Variants in AFG2A observed in about 807,000 individuals in gnomAD.
The protein encoded by AFG2A is AAA ATPase AFG2A, also known as ATPase family gene 2 protein homolog A.
the AFG2A span, among the ~76,000 whole-genome samples, chr4:123,023,530 CT>C: frequency 5.9e-5 from 9 of 152,300 alleles, no homozygotes; most frequent in East Asian, 1.7e-3. Flanking sequence ...CCTTCTAACT[CT>C]TTCTTTGCCA....
At chr4:123,225,652 C>T in the AFG2A span, among the ~76,000 whole-genome samples, 2 of 152,148 alleles carry the variant, frequency 1.3e-5, no homozygotes, top group East Asian at 3.9e-4. Context: ...CATGATGCCT[C>T]CAGCTTTGTT....
chr4:123,005,197 C>T, the AFG2A span, among the ~76,000 whole-genome samples: 1 of 152,088 alleles, frequency 6.6e-6, no homozygotes, highest in Non-Finnish European at 1.5e-5. Flanking sequence ...GTTGGCCAGG[C>T]TGGAGTGCAA....
chr4:123,228,178 G>T, the AFG2A span, among the ~76,000 whole-genome samples: 1 of 152,084 alleles, frequency 6.6e-6, no homozygotes, highest in African/African-American at 2.4e-5. Flanking sequence ...TATCCAGTTT[G>T]CCAGTCCGTG....
the AFG2A span, among the ~76,000 whole-genome samples, chr4:122,954,162 C>T: frequency 6.6e-6 from 1 of 152,180 alleles, no homozygotes; most frequent in Non-Finnish European, 1.5e-5. Context: ...TGGCCTGATC[C>T]TCATTGTTGG....
At chr4:123,042,106 T>C in the AFG2A span, among the ~76,000 whole-genome samples, 1 of 152,306 alleles carries the variant, frequency 6.6e-6, no homozygotes, top group East Asian at 1.9e-4. Flanking sequence ...ATTACCATAT[T>C]ATCATATTTC....
chr4:123,086,587 G>A, the AFG2A span, among the ~76,000 whole-genome samples: 1 of 152,102 alleles, frequency 6.6e-6, no homozygotes. Context: ...CTCAGTGAAT[G>A]TTTCTTCAAA....
At chr4:123,041,648 G>C in the AFG2A span, among the ~76,000 whole-genome samples, 1 of 151,808 alleles carries the variant, frequency 6.6e-6, no homozygotes, top group Non-Finnish European at 1.5e-5. Flanking sequence ...TCTCCTGCCT[G>C]AGTCTCCCAA....
At chr4:123,149,798 CTTTTTTTTTTTTTTTTT>C in the AFG2A span, among the ~76,000 whole-genome samples, 2 of 121,604 alleles carry the variant, frequency 1.6e-5, no homozygotes, top group Non-Finnish European at 1.6e-5. Context: ...TAGGAAATAG[CTTTTTTTTTTTTTTTTT>C]TTTTTTTTTG....
chr4:123,196,221 G>T, the AFG2A span, among the ~76,000 whole-genome samples: 1 of 134,734 alleles, frequency 7.4e-6, no homozygotes, highest in Non-Finnish European at 1.5e-5. Flanking sequence ...ATGTGAGCCA[G>T]GATGGTCTTG....
chr4:123,211,308 T>A, the AFG2A span, among the ~76,000 whole-genome samples: 2 of 152,170 alleles, frequency 1.3e-5, no homozygotes, highest in South Asian at 4.1e-4. Flanking sequence ...GTTAACTGTT[T>A]TTAAAAATTT....
the AFG2A span, among the ~76,000 whole-genome samples, chr4:123,140,709 A>G: frequency 1.3e-5 from 2 of 152,122 alleles, no homozygotes; most frequent in African/African-American, 4.8e-5. Flanking sequence ...TAATTTTTAT[A>G]TTCATGGTAA....
the AFG2A span, among the ~76,000 whole-genome samples, chr4:123,180,835 C>T: frequency 6.9e-6 from 1 of 145,118 alleles, no homozygotes; most frequent in Non-Finnish European, 1.5e-5. Flanking sequence ...CATTCAGTAT[C>T]TCTGTTTTTT....
the AFG2A span, among the ~76,000 whole-genome samples, chr4:123,017,778 G>C: frequency 1.3e-5 from 2 of 151,984 alleles, no homozygotes; most frequent in Non-Finnish European, 2.9e-5. Flanking sequence ...TACACTGGGA[G>C]TTGTTAGCAT....
At chr4:123,236,739 C>G in the AFG2A span, among the ~76,000 whole-genome samples, 1 of 152,128 alleles carries the variant, frequency 6.6e-6, no homozygotes, top group South Asian at 2.1e-4. Context: ...CTCTCAAAGT[C>G]TAGTCTAGGA....
the AFG2A span, among the ~76,000 whole-genome samples, chr4:123,125,952 A>G: frequency 6.6e-6 from 1 of 152,024 alleles, no homozygotes; most frequent in Non-Finnish European, 1.5e-5. Context: ...ACCATTTCAT[A>G]TTCATTCTGT....
At chr4:123,028,264 C>G in the AFG2A span, 1 of 1,614,122 alleles carries the variant, frequency 6.2e-7, no homozygotes, top group Non-Finnish European at 8.5e-7. Flanking sequence ...CTTAAAACAT[C>G]CAGAGTCTTT....
the AFG2A span, among the ~76,000 whole-genome samples, chr4:123,180,522 A>G: frequency 1.3e-5 from 2 of 152,284 alleles, no homozygotes; most frequent in East Asian, 3.9e-4. Flanking sequence ...TCTGTTAGGT[A>G]AGCTAAATTC....
the AFG2A span, among the ~76,000 whole-genome samples, chr4:123,224,140 A>G: frequency 6.6e-6 from 1 of 151,946 alleles, no homozygotes; most frequent in Non-Finnish European, 1.5e-5. Context: ...GTTTTTGGGT[A>G]TCTAGTTTTC....
chr4:123,209,826 C>T, the AFG2A span, among the ~76,000 whole-genome samples: 1 of 152,008 alleles, frequency 6.6e-6, no homozygotes, highest in Non-Finnish European at 1.5e-5. Flanking sequence ...GCCCTAGAAC[C>T]TCAATTCTAG....
Sources: gnomAD v4.1 joint callset for allele counts (sites outside exome capture counted in the v4.1 genomes callset) on GRCh38, gnomAD v4.1.1 for gene constraint, MANE v1.5 for transcripts, NCBI Gene and HGNC (gene_info 2026-07-23, HGNC 2026-07-21) for gene names.